The following VWA8 variants were observed in gnomAD, a reference collection of about 807,000 sequenced individuals.
The protein encoded by VWA8 is von Willebrand factor A domain containing 8, also known as von Willebrand factor A domain-containing protein 8.
VWA8 carries 221 observed loss-of-function variants against 241.5 expected under a neutral mutation model. The observed-to-expected ratio is 0.91, with a 90% CI of 0.82 to 1.02. VWA8 has a LOEUF of 1.02. Among genes scored for constraint, VWA8 ranks in the 50% least tolerant of loss-of-function variants. The pLI is 0.00. For synonymous variants in VWA8, 852 were observed against 827.1 expected, an observed-to-expected ratio of 1.03 and a Z score of -0.52; for missense variants, 2,322 against 2,328.7, an observed-to-expected ratio of 1.00 and a Z score of 0.06.
At chr13:41,776,622 A>T (rs1868606887) in intron 20 of VWA8, among the ~76,000 whole-genome samples, 1 of 152,252 alleles carries the variant, frequency 6.6e-6, no homozygotes, top group Non-Finnish European at 1.5e-5. Context: ...AGAGGTATTT[A>T]GCTGACAGAA....
intron 39 of VWA8, among the ~76,000 whole-genome samples, chr13:41,608,071 C>T (rs1027371922): frequency 7.9e-5 from 12 of 152,034 alleles, no homozygotes; most frequent in Admixed American, 2.6e-4. Flanking sequence ...TACATACACA[C>T]AAACATATCA....
chr13:41,708,864 C>T (rs191366459), intron 26 of VWA8, among the ~76,000 whole-genome samples: 3 of 152,356 alleles, frequency 2.0e-5, no homozygotes, highest in East Asian at 3.9e-4. Flanking sequence ...TTGCTCCACA[C>T]ATCTCTGGCT....
intron 5 of VWA8, among the ~76,000 whole-genome samples, chr13:41,887,674 T>C (rs551263412): frequency 1.1e-3 from 171 of 152,278 alleles, no homozygotes; most frequent in African/African-American, 3.9e-3. Flanking sequence ...GGAAAATACA[T>C]GACTAGAGGT....
At chr13:41,677,605 G>A (rs1221687301) in intron 35 of VWA8, among the ~76,000 whole-genome samples, 2 of 152,114 alleles carry the variant, frequency 1.3e-5, no homozygotes, top group Admixed American at 1.3e-4. Context: ...TTCTATGTGA[G>A]TTGGCCCTAG....
chr13:41,645,877 C>A (rs2044828535), intron 37 of VWA8, among the ~76,000 whole-genome samples: 1 of 151,750 alleles, frequency 6.6e-6, no homozygotes, highest in Non-Finnish European at 1.5e-5. Context: ...CTAAGTGCAT[C>A]TGAAAGAAGA....
intron 21 of VWA8, among the ~76,000 whole-genome samples, chr13:41,757,786 T>C (rs1024227260): frequency 6.6e-6 from 1 of 151,614 alleles, no homozygotes; most frequent in Non-Finnish European, 1.5e-5. Context: ...TGATGGGTGA[T>C]AGAAGAAAGA....
chr13:41,570,067 C>T (rs533668344), intron 44 of VWA8, among the ~76,000 whole-genome samples: 1 of 152,180 alleles, frequency 6.6e-6, no homozygotes, highest in East Asian at 1.9e-4. Flanking sequence ...CATTCATACA[C>T]ACACACTATC....
chr13:41,819,462 G>C (rs948068315), intron 14 of VWA8, 76 bp from the exon 15 acceptor site: 16 of 1,420,228 alleles, frequency 1.1e-5, no homozygotes, highest in African/African-American at 1.5e-5. Context: ...CTAAAGTCTA[G>C]GCAACGTTAG....
At chr13:41,767,555 A>G (rs2045787738) in intron 20 of VWA8, among the ~76,000 whole-genome samples, 1 of 152,238 alleles carries the variant, frequency 6.6e-6, no homozygotes, top group Non-Finnish European at 1.5e-5. Flanking sequence ...TACTTTTGTA[A>G]TCAGAAAAAA....
intron 2 of VWA8, among the ~76,000 whole-genome samples, chr13:41,913,628 A>G (rs1876115023): frequency 6.6e-6 from 1 of 152,184 alleles, no homozygotes; most frequent in Admixed American, 6.5e-5. Context: ...AAGAAAGCAA[A>G]CATTTAATCT....
chr13:41,693,871 T>A (rs755509027), intron 29 of VWA8, among the ~76,000 whole-genome samples: 7 of 152,048 alleles, frequency 4.6e-5, no homozygotes, highest in Non-Finnish European at 5.9e-5. Context: ...TGCAAGTTAT[T>A]TGTCAGACCT....
At chr13:41,592,146 A>G (rs1233359442) in intron 40 of VWA8, among the ~76,000 whole-genome samples, 2 of 148,526 alleles carry the variant, frequency 1.3e-5, no homozygotes, top group African/African-American at 5.0e-5. Flanking sequence ...ATAAAAAATG[A>G]TGAGTTCATG....
chr13:41,568,866 A>C (rs2044280892), intron 44 of VWA8, among the ~76,000 whole-genome samples: 2 of 152,248 alleles, frequency 1.3e-5, no homozygotes, highest in Admixed American at 1.3e-4. Context: ...CACTGAGGTT[A>C]TACAGGCTTA....
intron 20 of VWA8, among the ~76,000 whole-genome samples, chr13:41,763,085 C>T (rs897237543): frequency 1.3e-5 from 2 of 151,838 alleles, no homozygotes; most frequent in Non-Finnish European, 2.9e-5. Context: ...CTGGGCAACA[C>T]AGTGAGGCCT....
chr13:41,624,051 C>T (rs1299462580), intron 37 of VWA8, among the ~76,000 whole-genome samples: 1 of 152,126 alleles, frequency 6.6e-6, no homozygotes, highest in African/African-American at 2.4e-5. Flanking sequence ...CACCTCTCTG[C>T]ACACAAACTA....
chr13:41,902,969 G>T (rs911763056), intron 4 of VWA8, among the ~76,000 whole-genome samples: 1 of 151,974 alleles, frequency 6.6e-6, no homozygotes, highest in Non-Finnish European at 1.5e-5. Context: ...CACCTATATT[G>T]GGCCATCAAG....
At chr13:41,820,179 T>TA (rs1389264122) in intron 14 of VWA8, among the ~76,000 whole-genome samples, 1 of 152,140 alleles carries the variant, frequency 6.6e-6, no homozygotes, top group Non-Finnish European at 1.5e-5. Context: ...TCAATTCTAC[T>TA]AAAAAACCCA....
chr13:41,756,521 T>C (rs2045695989), intron 21 of VWA8, among the ~76,000 whole-genome samples: 1 of 151,592 alleles, frequency 6.6e-6, no homozygotes, highest in East Asian at 1.9e-4. Flanking sequence ...TGAGAGCTGA[T>C]TTTAATTTCC....
chr13:41,623,813 A>G (rs1810700330), intron 37 of VWA8, among the ~76,000 whole-genome samples: 1 of 152,224 alleles, frequency 6.6e-6, no homozygotes, highest in South Asian at 2.1e-4. Context: ...GATACAGGCT[A>G]TGATAAGGTT....
Sources: gnomAD v4.1 joint callset for allele counts (sites outside exome capture counted in the v4.1 genomes callset) on GRCh38, gnomAD v4.1.1 for gene constraint, MANE v1.5 for transcripts, NCBI Gene and HGNC (gene_info 2026-07-23, HGNC 2026-07-21) for gene names.